Variants in NGEF observed in about 807,000 individuals in gnomAD.
The protein encoded by NGEF is neuronal guanine nucleotide exchange factor.
Under a neutral mutation model 80.9 loss-of-function variants are expected in NGEF, and 31 were observed. That is an observed-to-expected ratio of 0.38 (90% confidence interval 0.29 to 0.52). The LOEUF is 0.52. Ranked by LOEUF, NGEF falls within the 20% of genes least tolerant of loss-of-function variation. The probability of loss-of-function intolerance (pLI) is 0.84; values close to 1 mark genes in which losing one functional copy is unlikely to be tolerated. For synonymous variants in NGEF, 371 were observed against 370.2 expected (o/e 1.00, Z -0.03); for missense variants, 709 against 926.2 (o/e 0.77, Z 3.04).
At chr2:232,995,967 G>A (rs893191528) in intron 1 of NGEF, among the ~76,000 whole-genome samples, 1 of 151,684 alleles carries the variant, frequency 6.6e-6, no homozygotes, top group Admixed American at 6.6e-5. Flanking sequence ...ATAAAAGGGT[G>A]TGAGCGTAAA....
At chr2:232,945,521 T>C (rs1046619564) in intron 3 of NGEF, among the ~76,000 whole-genome samples, 2 of 149,526 alleles carry the variant, frequency 1.3e-5, no homozygotes, top group Non-Finnish European at 2.9e-5. Context: ...GAGAATGCTA[T>C]GTGAAGACAT....
chr2:232,949,012 C>T (rs556752904), intron 3 of NGEF, among the ~76,000 whole-genome samples: 3 of 149,134 alleles, frequency 2.0e-5, no homozygotes, highest in African/African-American at 7.5e-5. Context: ...AGCAAGACTG[C>T]GTCTCAAAAA....
intron 8 of NGEF, among the ~76,000 whole-genome samples, chr2:232,889,162 C>T (rs1455444412): frequency 6.6e-6 from 1 of 152,218 alleles, no homozygotes; most frequent in Non-Finnish European, 1.5e-5. Flanking sequence ...TGTATGTGGC[C>T]ACCATGCCTG....
chr2:232,948,147 ATGTG>A lies in NGEF; in HGVS notation c.384-20965_384-20962del, dbSNP rs375640068. ...GGGGTCATTTGAATATAGCCTGGAGATGTGTGTGTGTGTGTGTGTGTGTGTGTGT... is the reference window on the plus strand; with the variant it reads ...GGGGTCATTTGAATATAGCCTGGAGATGTGTGTGTGTGTGTGTGTGTGTGT... On this transcript the variant is annotated intron_variant, in intron 3 of 14. Transcript: ENST00000264051. Among the ~76,000 whole-genome samples the A allele has an allele frequency of 1.0e-3, 143 of 141,648 alleles. 1 individual carries two copies. The highest frequency in any genetic ancestry group is 2.9e-3 in the South Asian group (12 of 4,184). 92.9% of individuals were successfully genotyped at this position (141,648 alleles called of 152,430 possible).
chr2:232,991,319 T>C (rs1469014551), intron 1 of NGEF, among the ~76,000 whole-genome samples: 1 of 148,846 alleles, frequency 6.7e-6, no homozygotes, highest in African/African-American at 2.4e-5. Context: ...ATCTTGTATA[T>C]AGAAAATTCT....
chr2:232,917,562 C>T (rs376492710), intron 5 of NGEF, among the ~76,000 whole-genome samples: 10 of 151,746 alleles, frequency 6.6e-5, no homozygotes, highest in Admixed American at 2.6e-4. Flanking sequence ...CTCTGCCTCC[C>T]GGGTTCAAGT....
chr2:232,933,653 G>C (rs1443717255), intron 3 of NGEF, among the ~76,000 whole-genome samples: 1 of 152,230 alleles, frequency 6.6e-6, no homozygotes, highest in Non-Finnish European at 1.5e-5. Context: ...TTGTGAGCTT[G>C]GTGGTGGGCA....
At chr2:233,007,416 T>C (rs1325680910) in intron 1 of NGEF, among the ~76,000 whole-genome samples, 3 of 152,182 alleles carry the variant, frequency 2.0e-5, no homozygotes, top group African/African-American at 7.2e-5. Flanking sequence ...GGTAGCTCTG[T>C]GTCTGAGCCC....
At chr2:232,906,020 T>TG (rs1427144776) in intron 5 of NGEF, among the ~76,000 whole-genome samples, 6 of 81,294 alleles carry the variant, frequency 7.4e-5, no homozygotes, top group Non-Finnish European at 1.2e-4. Flanking sequence ...GGGAGGGAGG[T>TG]GGGGGGGTCA....
chr2:232,958,661 G>A (rs1276934381), intron 3 of NGEF, among the ~76,000 whole-genome samples: 1 of 152,076 alleles, frequency 6.6e-6, no homozygotes, highest in East Asian at 1.9e-4. Context: ...GGAACTGGGT[G>A]GGCAAGACTG....
intron 1 of NGEF, among the ~76,000 whole-genome samples, chr2:232,995,613 G>GCATACTGTATATA: frequency 7.8e-6 from 1 of 128,778 alleles, no homozygotes; most frequent in Non-Finnish European, 1.6e-5. Context: ...TATACAGTAT[G>GCATACTGTATATA]TATACGTATG....
At chr2:232,952,589 A>G (rs1693698044) in intron 3 of NGEF, among the ~76,000 whole-genome samples, 2 of 152,190 alleles carry the variant, frequency 1.3e-5, no homozygotes, top group African/African-American at 2.4e-5. Context: ...CCACATATCA[A>G]TTTCTACATG....
At chr2:232,928,546 G>T (rs1197914335) in intron 3 of NGEF, among the ~76,000 whole-genome samples, 1 of 152,142 alleles carries the variant, frequency 6.6e-6, no homozygotes. Flanking sequence ...TCGGCGACCC[G>T]CTCTGAAGCT....
At chr2:232,933,808 C>T (rs939745073) in intron 3 of NGEF, among the ~76,000 whole-genome samples, 2 of 152,240 alleles carry the variant, frequency 1.3e-5, no homozygotes, top group Non-Finnish European at 2.9e-5. Flanking sequence ...GGTGTCCCCA[C>T]CAGGCCCCTT....
At chr2:232,918,404 A>G (rs1692857939) in intron 5 of NGEF, among the ~76,000 whole-genome samples, 1 of 151,380 alleles carries the variant, frequency 6.6e-6, no homozygotes, top group Non-Finnish European at 1.5e-5. Flanking sequence ...CCGAGCCTCA[A>G]TTGAAGAATT....
At chr2:232,913,301 T>A (rs543529949) in intron 5 of NGEF, among the ~76,000 whole-genome samples, 2 of 152,362 alleles carry the variant, frequency 1.3e-5, no homozygotes, top group African/African-American at 4.8e-5. Flanking sequence ...TTTTCTGTTA[T>A]CTTTGTTACC....
intron 5 of NGEF, among the ~76,000 whole-genome samples, chr2:232,906,091 G>T (rs1692517286): frequency 8.8e-6 from 1 of 114,154 alleles, no homozygotes; most frequent in South Asian, 2.9e-4. Context: ...CCCCCCGCCT[G>T]GTCAGCCGTC....
chr2:232,888,311 C>T (rs561416897), intron 8 of NGEF, among the ~76,000 whole-genome samples: 66 of 151,916 alleles, frequency 4.3e-4, no homozygotes, highest in Non-Finnish European at 1.3e-4. Context: ...CATACATGCT[C>T]GCACACACAT....
At chr2:232,988,358 T>C (rs1442540143) in intron 1 of NGEF, among the ~76,000 whole-genome samples, 1 of 152,196 alleles carries the variant, frequency 6.6e-6, no homozygotes, top group African/African-American at 2.4e-5. Context: ...CAAATCACCC[T>C]TAAAATCTTG....
Sources: gnomAD v4.1 joint callset for allele counts (sites outside exome capture counted in the v4.1 genomes callset) on GRCh38, gnomAD v4.1.1 for gene constraint, MANE v1.5 for transcripts, NCBI Gene and HGNC (gene_info 2026-07-23, HGNC 2026-07-21) for gene names.